The following PEBP4 variants were observed in gnomAD, a reference collection of about 807,000 sequenced individuals.
PEBP4 encodes the protein phosphatidylethanolamine binding protein 4.
Under a neutral mutation model 23.9 loss-of-function variants are expected in PEBP4, and 22 were observed. The observed-to-expected ratio is 0.92, with a 90% confidence interval of 0.66 to 1.31. The LOEUF (loss-of-function observed/expected upper bound fraction) is 1.31, where lower values mean the gene tolerates loss of function less well. Ranked by LOEUF, PEBP4 falls within the 40% of genes most tolerant of loss-of-function variation. The probability of loss-of-function intolerance (pLI) is 0.00; values close to 1 mark genes in which losing one functional copy is unlikely to be tolerated. For synonymous variants in PEBP4, 112 were observed against 99.3 expected (o/e 1.13, Z -0.76); for missense variants, 324 against 281.7 (o/e 1.15, Z -1.07).
intron 1 of PEBP4, among the ~76,000 whole-genome samples, chr8:22,937,794 A>ATG (rs1362577317): frequency 1.3e-5 from 1 of 74,318 alleles, no homozygotes; most frequent in African/African-American, 6.2e-5. Context: ...GTGTATGTGT[A>ATG]TGTATGTGTG....
At position 22,728,603 on chromosome 8, in the gene PEBP4, CCTT is replaced by C. The variant is rs1388773412; in HGVS notation, c.358-1386_358-1384del. 2.9e-3 allele frequency among the ~76,000 whole-genome samples: 361 copies of C among 123,734 alleles called. 2 individuals are homozygous for C. The highest frequency in any genetic ancestry group is 0.014 in the South Asian group (49 of 3,448). The allele number at this position is 123,734 out of a possible 152,430, so 81.2% of individuals were successfully genotyped here. A position where few individuals can be genotyped will look rare whatever the true frequency, so the allele number is the denominator to read the frequency against. On this transcript the variant is annotated intron_variant, in intron 4 of 6. Transcript: ENST00000256404. ...TCCTTCCTTCCTTCCTTCCTTCCTT[CCTT>C]CCTTCCCTTTTTTTGGAGTCTCGCT...
chr8:22,833,060 A>G (rs769602333), intron 3 of PEBP4, among the ~76,000 whole-genome samples: 9 of 152,198 alleles, frequency 5.9e-5, no homozygotes, highest in African/African-American at 2.4e-5. Flanking sequence ...CCTTCTAGCA[A>G]AAACCACAAT....
intron 2 of PEBP4, chr8:22,925,446 G>C: frequency 7.5e-6 from 4 of 530,432 alleles, no homozygotes; most frequent in Non-Finnish European, 9.7e-6. Flanking sequence ...ACTGTGGGCA[G>C]ATTTCTTAAT....
chr8:22,839,754 C>T lies in PEBP4; in HGVS notation c.259-22019G>A, dbSNP rs147114927. ...TGAGAACCACAACCTGACAGACCCT[C>T]GTGATTTGTTCCGGTTCCTTCCCTC... On this transcript the variant is annotated intron_variant, in intron 3 of 6. Coordinates refer to ENST00000256404, the MANE Select transcript of PEBP4 (RefSeq NM_144962.3). 5.3e-5 allele frequency among the ~76,000 whole-genome samples: 8 copies of T among 152,280 alleles called. No individual in the cohort carries two copies. The East Asian group carries it at 9.7e-4, about 18-fold the overall frequency.
intron 4 of PEBP4, among the ~76,000 whole-genome samples, chr8:22,800,136 G>T (rs112584209): frequency 0.01 from 1,551 of 152,232 alleles, 27 homozygotes; most frequent in African/African-American, 0.035. Context: ...AGGGGTGAGA[G>T]CTGAGCAGCC....
intron 4 of PEBP4, among the ~76,000 whole-genome samples, chr8:22,731,625 T>G (rs1804733859): frequency 7.0e-6 from 1 of 141,916 alleles, no homozygotes; most frequent in Non-Finnish European, 1.5e-5. Flanking sequence ...TTTTATTTAT[T>G]TATTTATTTA....
At position 22,775,442 on chromosome 8, in the gene PEBP4, G is replaced by A. The variant is rs182271931; in HGVS notation, c.357+42195C>T. The stretch of plus-strand genomic sequence containing the variant: ...CCCTCCTTTACAACCATGCCGGGAG[G>A]GGTGCGCAGGGGCCCGTGGGTGGTG... On this transcript the variant is annotated intron_variant, in intron 4 of 6. Transcript: ENST00000256404. This position sits in a 1 kb window ranked among gnomAD's most constrained non-coding sequence, Gnocchi z 4.8. Among the ~76,000 whole-genome samples the A allele has an allele frequency of 6.6e-6, 1 of 152,302 alleles. No individual in the cohort carries two copies. Among genetic ancestry groups the A allele is most frequent in the Non-Finnish European group, 1.5e-5 (1 of 68,028 alleles).
intron 3 of PEBP4, among the ~76,000 whole-genome samples, chr8:22,910,552 A>C (rs1408845673): frequency 6.6e-6 from 1 of 152,192 alleles, no homozygotes; most frequent in African/African-American, 2.4e-5. Flanking sequence ...CACCCAGTGA[A>C]GGAACAACAA....
chr8:22,826,543 A>G (rs1446577420), intron 3 of PEBP4, among the ~76,000 whole-genome samples: 1 of 152,232 alleles, frequency 6.6e-6, no homozygotes, highest in East Asian at 1.9e-4. Context: ...ATAAACAATG[A>G]TATGTACTCA....
rs1308703810 is a variant in PEBP4, at chr8:22,749,037, T to A, written c.358-21817A>T. ...GGACTGGGGAGATGACAATCTGGGG[T>A]CAGGGGACTGAGGTGGGTGTGGGAT... On this transcript the variant is annotated intron_variant, in intron 4 of 6. Transcript: ENST00000256404. Among the ~76,000 whole-genome samples, 5 of 151,854 alleles carry A rather than the reference T, an allele frequency of 3.3e-5. No homozygotes were observed. The East Asian group carries it at 9.7e-4, about 29-fold the overall frequency.
chr8:22,806,356 C>T (rs1806494239), intron 4 of PEBP4, among the ~76,000 whole-genome samples: 1 of 152,138 alleles, frequency 6.6e-6, no homozygotes, highest in Admixed American at 6.5e-5. Flanking sequence ...GTGGCTCACA[C>T]CTGTGATCCC....
Position 22,753,856 on chromosome 8 carries a change from C to T in PEBP4, c.358-26636G>A, listed in dbSNP as rs948910184. Among the ~76,000 whole-genome samples the T allele has an allele frequency of 3.3e-5, 5 of 152,164 alleles. No individual in the cohort carries two copies. The East Asian group carries it at 5.8e-4, about 18-fold the overall frequency. ...CAGGAAGTGAGCGCAGATGGGCTAC[C>T]GCCTGGACAGCTGTGCGGGGAACAG... On this transcript the variant is annotated intron_variant, in intron 4 of 6. Coordinates refer to ENST00000256404, the MANE Select transcript of PEBP4 (RefSeq NM_144962.3).
At chr8:22,901,676 T>A (rs987850096) in intron 3 of PEBP4, among the ~76,000 whole-genome samples, 2 of 152,182 alleles carry the variant, frequency 1.3e-5, no homozygotes, top group African/African-American at 4.8e-5. Flanking sequence ...GCTGGGGGAT[T>A]TGCAGGCTGT....
intron 4 of PEBP4, among the ~76,000 whole-genome samples, chr8:22,738,589 C>A (rs559691577): frequency 6.6e-6 from 1 of 152,220 alleles, no homozygotes; most frequent in South Asian, 2.1e-4. Flanking sequence ...CTAGGGGCAA[C>A]CTCAGGCTGG....
At chr8:22,756,415 A>G (rs148678102) in intron 4 of PEBP4, among the ~76,000 whole-genome samples, 1 of 152,304 alleles carries the variant, frequency 6.6e-6, no homozygotes, top group East Asian at 1.9e-4. Context: ...CCTCGTCAAC[A>G]CTGGTGACTA....
chr8:22,880,644 T>C (rs569963379), intron 3 of PEBP4: 1 of 152,810 alleles, frequency 6.5e-6, no homozygotes, highest in East Asian at 1.9e-4. Flanking sequence ...AGGTGGCCCG[T>C]GCCCTCCTCT....
intron 4 of PEBP4, among the ~76,000 whole-genome samples, chr8:22,749,190 T>C (rs1197448669): frequency 6.6e-6 from 1 of 152,194 alleles, no homozygotes; most frequent in Non-Finnish European, 1.5e-5. Flanking sequence ...TTTTTGCTTA[T>C]GTATGGTCTT....
At chr8:22,764,175 A>C (rs1260464968) in intron 4 of PEBP4, among the ~76,000 whole-genome samples, 2 of 152,126 alleles carry the variant, frequency 1.3e-5, no homozygotes, top group African/African-American at 4.8e-5. Context: ...AGCACCCATT[A>C]CTCAGGAGAT....
At chr8:22,926,745 A>T (rs1203689258) in intron 2 of PEBP4, among the ~76,000 whole-genome samples, 1 of 152,278 alleles carries the variant, frequency 6.6e-6, no homozygotes, top group Non-Finnish European at 1.5e-5. Flanking sequence ...TTTTAAATAA[A>T]ATTAAAAAGA....
Sources: gnomAD v4.1 joint callset for allele counts (sites outside exome capture counted in the v4.1 genomes callset) on GRCh38, gnomAD v4.1.1 for gene constraint, Gnocchi (gnomAD v3.1) non-coding constraint, MANE v1.5 for transcripts, NCBI Gene and HGNC (gene_info 2026-07-23, HGNC 2026-07-21) for gene names.